RTN4IP1: variants seen among roughly 807,000 people sequenced by gnomAD.
The protein encoded by RTN4IP1 is reticulon 4 interacting protein 1, also known as NAD(P)H oxidoreductase RTN4IP1, mitochondrial.
Under a neutral mutation model 46.6 loss-of-function variants are expected in RTN4IP1, and 32 were observed. That is an observed-to-expected ratio of 0.69 (90% confidence interval 0.52 to 0.92). RTN4IP1 has a LOEUF of 0.92. Among genes scored for constraint, RTN4IP1 ranks in the 40% least tolerant of loss-of-function variants. The pLI, the probability that RTN4IP1 is intolerant of heterozygous loss-of-function variation, is 0.00. For synonymous variants in RTN4IP1, 167 were observed against 161.8 expected (o/e 1.03, Z -0.24); for missense variants, 424 against 485.8 (o/e 0.87, Z 1.20).
At position 106,626,631 on chromosome 6, in the gene RTN4IP1, T is replaced by C. The variant is rs556721729; in HGVS notation, c.274+2117A>G. ...ATGCTAATACATCAACTGAGTAGCC[T>C]TGGCTCACTGTTACTATCTAACAAG... On this transcript the variant is annotated intron_variant, in intron 1 of 8. Transcript: ENST00000369063. Among the ~76,000 whole-genome samples, 7 of 152,308 alleles carry C rather than the reference T, an allele frequency of 4.6e-5. No individual in the cohort carries two copies. In the South Asian group the frequency reaches 1.5e-3, roughly 32 times the overall value.
intron 8 of RTN4IP1, 95 bp from the exon 9 acceptor site, chr6:106,572,198 G>T: frequency 1.0e-6 from 1 of 996,644 alleles, no homozygotes; most frequent in Non-Finnish European, 1.6e-6. Flanking sequence ...TGTCCCTCAA[G>T]CCACAGTCTC....
chr6:106,590,714 C>CAAAA (rs35293436), intron 6 of RTN4IP1, among the ~76,000 whole-genome samples: 34,950 of 68,308 alleles, frequency 0.51, 10,596 homozygotes, highest in Non-Finnish European at 0.6. Context: ...GAATCCATCT[C>CAAAA]AAAAAAAAAA....
rs76383546 is a variant in RTN4IP1 at position 106,585,330 on chromosome 6, A to G, written c.991-1910T>C. Among the ~76,000 whole-genome samples the G allele has an allele frequency of 6.6e-5, 10 of 152,364 alleles. No individual in the cohort carries two copies. The East Asian group carries it at 1.9e-3, about 29-fold the overall frequency. On this transcript the variant is annotated intron_variant, in intron 7 of 8. Transcript: ENST00000369063. ...CTCTACAAAACAAGAAAAAGAAAAA[A>G]GCTGTTTGAAGAATTATGTGGCTAA...
Position 106,619,112 on chromosome 6 carries a change from T to C in RTN4IP1, c.620+90A>G, listed in dbSNP as rs963872626. On this transcript the variant is annotated intron_variant, in intron 4 of 8. Coordinates refer to ENST00000369063, the MANE Select transcript of RTN4IP1 (RefSeq NM_032730.5). ...ACAGCTCTGTTCGTGTAAATGATACTAAATTTCAAAGCTCTGACAAATCTA... is the reference window on the plus strand; with the variant it reads ...ACAGCTCTGTTCGTGTAAATGATACCAAATTTCAAAGCTCTGACAAATCTA... The C allele has an allele frequency of 3.7e-5, 53 of 1,435,648 alleles. No individual in the cohort carries two copies. In the Middle Eastern group the frequency reaches 8.9e-4, roughly 24 times the overall value. 88.9% of individuals were successfully genotyped at this position (1,435,648 alleles called of 1,614,324 possible).
intron 5 of RTN4IP1, among the ~76,000 whole-genome samples, chr6:106,597,830 C>T (rs11153012): frequency 0.22 from 33,354 of 151,658 alleles, 3,970 homozygotes; most frequent in East Asian, 0.33. Context: ...TATCTCCCAA[C>T]GCTATCCCTC....
chr6:106,616,312 G>A (rs1776356036), intron 4 of RTN4IP1, among the ~76,000 whole-genome samples: 1 of 152,166 alleles, frequency 6.6e-6, no homozygotes, highest in African/African-American at 2.4e-5. Context: ...CTGATACTCA[G>A]CTGCTGCAGA....
At position 106,622,868 on chromosome 6, in the gene RTN4IP1, C is replaced by T. The variant is rs199549230; in HGVS notation, c.376G>A (p.Val126Met). 3.0e-5 allele frequency: 49 copies of T among 1,614,004 alleles called. No individual in the cohort carries two copies. In the Admixed American group the frequency reaches 5.8e-4, roughly 19 times the overall value. The change falls in exon 2 of 9, where the codon GTG becomes ATG. Residue 126 changes from valine (V) to methionine (M), a missense_variant. Physicochemically the swap from Val to Met is conservative, Grantham distance 21. Coordinates refer to ENST00000369063, the MANE Select transcript of RTN4IP1 (RefSeq NM_032730.5). ...ACATCAAGCCCACATTCCATCACCA[C>T]GCCAGAGACATCCCGACCCAGAGTC... is the stretch of plus-strand genomic sequence containing the variant. ...PLTLGRDVSG[V>M]VMECGLDVKY...
intron 4 of RTN4IP1, among the ~76,000 whole-genome samples, chr6:106,618,868 T>C (rs538815046): frequency 6.6e-6 from 1 of 152,138 alleles, no homozygotes; most frequent in East Asian, 1.9e-4. Flanking sequence ...TTAACCTTTT[T>C]AGGAATTTCA....
chr6:106,605,816 C>CAAAAAA lies in RTN4IP1; in HGVS notation c.621-2900_621-2895dup, dbSNP rs60568175. On this transcript the variant is annotated intron_variant, in intron 4 of 8. Transcript: ENST00000369063. The stretch of plus-strand genomic sequence containing the variant: ...TGGGCGACAGAGCAAGACTCTGTCC[C>CAAAAAA]AAAAAAAAAAAAAAAAAAAAAAAAA... Among the ~76,000 whole-genome samples the CAAAAAA allele has an allele frequency of 1.6e-3, 7 of 4,494 alleles. 1 individual carries two copies. The highest frequency in any genetic ancestry group is 2.4e-3 in the African/African-American group (4 of 1,696). 2.9% of individuals were successfully genotyped at this position (4,494 alleles called of 152,430 possible).
At chr6:106,624,021 T>C (rs1333975012) in intron 1 of RTN4IP1, among the ~76,000 whole-genome samples, 2 of 152,224 alleles carry the variant, frequency 1.3e-5, no homozygotes, top group African/African-American at 4.8e-5. Flanking sequence ...GCTGCATCTG[T>C]TCTGATGTGT....
At chr6:106,575,112 A>G (rs993155093) in intron 8 of RTN4IP1, among the ~76,000 whole-genome samples, 3 of 152,246 alleles carry the variant, frequency 2.0e-5, no homozygotes, top group African/African-American at 7.2e-5. Flanking sequence ...TTAAGGACAA[A>G]GGGATCAGAG....
chr6:106,594,054 G>A (rs182524432), intron 5 of RTN4IP1, among the ~76,000 whole-genome samples: 61 of 152,216 alleles, frequency 4.0e-4, no homozygotes, highest in African/African-American at 1.3e-3. Flanking sequence ...GTCACATGTT[G>A]AAACAGGTTT....
chr6:106,604,727 T>G (rs1776020706), intron 4 of RTN4IP1, among the ~76,000 whole-genome samples: 1 of 152,118 alleles, frequency 6.6e-6, no homozygotes, highest in South Asian at 2.1e-4. Context: ...TCATCTCCCC[T>G]CAAAATAATT....
chr6:106,595,516 G>A (rs79199008), intron 5 of RTN4IP1, among the ~76,000 whole-genome samples: 3 of 58,368 alleles, frequency 5.1e-5, no homozygotes, highest in Admixed American at 1.5e-4. Context: ...TTTTTTTTTT[G>A]TGGGGGACAG....
intron 4 of RTN4IP1, among the ~76,000 whole-genome samples, chr6:106,618,001 T>C (rs916239340): frequency 6.6e-6 from 1 of 152,198 alleles, no homozygotes; most frequent in African/African-American, 2.4e-5. Flanking sequence ...TTAAACAAAG[T>C]GTTGACCAAA....
At chr6:106,579,074 A>C (rs1180759810) in intron 8 of RTN4IP1, among the ~76,000 whole-genome samples, 1 of 151,962 alleles carries the variant, frequency 6.6e-6, no homozygotes, top group Non-Finnish European at 1.5e-5. Flanking sequence ...GTCTCTACTA[A>C]AAATGCAAAA....
Position 106,629,188 on chromosome 6 carries a change from G to C in RTN4IP1, c.-167C>G. The C allele has an allele frequency of 1.8e-6, 1 of 567,928 alleles. No homozygotes were observed. The highest frequency in any genetic ancestry group is 3.2e-6 in the Non-Finnish European group (1 of 316,870). 35.2% of individuals were successfully genotyped at this position (567,928 alleles called of 1,614,324 possible). The stretch of plus-strand genomic sequence containing the variant: ...AGCTAATCTAATGGAGAAACTGAAA[G>C]AAGAATACGGAACTGTTATTCCGCT... On this transcript the variant is annotated 5_prime_UTR_variant, in exon 1 of 9. Coordinates refer to ENST00000369063, the MANE Select transcript of RTN4IP1 (RefSeq NM_032730.5).
At chr6:106,607,653 T>C (rs894868490) in intron 4 of RTN4IP1, 20 of 152,006 alleles carry the variant, frequency 1.3e-4, no homozygotes, top group African/African-American at 4.1e-4. Context: ...GAAATGCAAA[T>C]TCAAACCACA....
At chr6:106,622,722 G>T in intron 2 of RTN4IP1, 96 bp downstream of exon 2, 2 of 1,314,468 alleles carry the variant, frequency 1.5e-6, no homozygotes, top group South Asian at 1.5e-5. Context: ...TGCACTGACA[G>T]GCAAAGTATC....
Sources: gnomAD v4.1 joint callset for allele counts (sites outside exome capture counted in the v4.1 genomes callset) on GRCh38, gnomAD v4.1.1 for gene constraint, MANE v1.5 for transcripts, NCBI Gene and HGNC (gene_info 2026-07-23, HGNC 2026-07-21) for gene names.